GRID1: variants seen among roughly 807,000 people sequenced by gnomAD.
The protein encoded by GRID1 is glutamate receptor ionotropic, delta-1.
GRID1 carries 28 observed loss-of-function variants against 98.0 expected under a neutral mutation model. The observed-to-expected ratio is 0.29, with a 90% CI of 0.21 to 0.39. The LOEUF (loss-of-function observed/expected upper bound fraction) is 0.39, where lower values mean the gene tolerates loss of function less well. Ranked by LOEUF, GRID1 falls within the 10% of genes least tolerant of loss-of-function variation. The probability of loss-of-function intolerance (pLI) is 1.00; values close to 1 mark genes in which losing one functional copy is unlikely to be tolerated. For missense variants in GRID1, 1,111 were observed against 1,340.5 expected, an observed-to-expected ratio of 0.83 and a Z score of 2.67; for synonymous variants, 553 against 538.5, an observed-to-expected ratio of 1.03 and a Z score of -0.37.
intron 3 of GRID1, among the ~76,000 whole-genome samples, chr10:86,180,417 G>A (rs1845638644): frequency 6.6e-6 from 1 of 152,110 alleles, no homozygotes; most frequent in African/African-American, 2.4e-5. Context: ...GACCTCAGAG[G>A]TTGTCCTCAG....
intron 12 of GRID1, among the ~76,000 whole-genome samples, chr10:85,650,800 G>T (rs959087016): frequency 1.3e-5 from 2 of 152,182 alleles, no homozygotes; most frequent in African/African-American, 2.4e-5. Context: ...AAGGCATTTG[G>T]GTAATGAAAA....
chr10:86,302,647 G>T (rs193073463), intron 2 of GRID1, among the ~76,000 whole-genome samples: 1 of 152,176 alleles, frequency 6.6e-6, no homozygotes, highest in African/African-American at 2.4e-5. Flanking sequence ...CCAGCTTGCA[G>T]GCAATACAGG....
At chr10:85,929,241 T>G (rs1841816810) in intron 4 of GRID1, among the ~76,000 whole-genome samples, 1 of 152,204 alleles carries the variant, frequency 6.6e-6, no homozygotes, top group African/African-American at 2.4e-5. Context: ...GCACAGGACC[T>G]AGGCTTAGCA....
intron 13 of GRID1, among the ~76,000 whole-genome samples, chr10:85,634,039 T>C (rs2132537933): frequency 6.6e-6 from 1 of 151,882 alleles, no homozygotes; most frequent in South Asian, 2.1e-4. Context: ...GGCGTGGTGG[T>C]GCATGCCTAT....
chr10:86,186,458 G>T, intron 3 of GRID1, among the ~76,000 whole-genome samples: 1 of 151,816 alleles, frequency 6.6e-6, no homozygotes, highest in Non-Finnish European at 1.5e-5. Flanking sequence ...ACTTATATTG[G>T]ATTTGATTTG....
rs1163991183 is a variant in GRID1 at position 86,165,332 on chromosome 10, G to A, written c.521-26308C>T. On this transcript the variant is annotated intron_variant, in intron 3 of 15. Transcript: ENST00000327946. Reference sequence around the variant, plus strand: ...TCTGCAAGTTTCTATGTTGCTCGGCGCTCAAGGTTTCTGGAGGAAAATGCC... The same window carrying A: ...TCTGCAAGTTTCTATGTTGCTCGGCACTCAAGGTTTCTGGAGGAAAATGCC... Among the ~76,000 whole-genome samples, 5 of 152,208 alleles carry A rather than the reference G, an allele frequency of 3.3e-5. No homozygotes were observed. In the East Asian group the frequency reaches 5.8e-4, roughly 18 times the overall value.
chr10:86,033,079 A>C (rs1036676256), intron 4 of GRID1, among the ~76,000 whole-genome samples: 7 of 152,080 alleles, frequency 4.6e-5, no homozygotes, highest in African/African-American at 1.7e-4. Context: ...CAGCTAGAAG[A>C]CAGAGAAGCT....
At chr10:85,949,344 T>C (rs1464945092) in intron 4 of GRID1, among the ~76,000 whole-genome samples, 6 of 152,214 alleles carry the variant, frequency 3.9e-5, no homozygotes, top group Non-Finnish European at 8.8e-5. Flanking sequence ...TCTATGCATA[T>C]ATAAGAATAT....
rs552531003 is a variant in GRID1, at chr10:85,851,684, T to C, written c.1233+2812A>G. ...TGGTTTTGTTCATATATGACATATATAATCTTTGCAGGGAATGCTGCCCCT... is the reference window on the plus strand; with the variant it reads ...TGGTTTTGTTCATATATGACATATACAATCTTTGCAGGGAATGCTGCCCCT... On this transcript the variant is annotated intron_variant, in intron 8 of 15. Transcript: ENST00000327946. 5.1e-4 allele frequency among the ~76,000 whole-genome samples: 78 copies of C among 152,310 alleles called. 1 individual carries two copies. Among genetic ancestry groups the C allele is most frequent in the African/African-American group, 1.8e-3 (75 of 41,568 alleles).
At chr10:86,107,655 A>G (rs1362158292) in intron 4 of GRID1, among the ~76,000 whole-genome samples, 1 of 152,194 alleles carries the variant, frequency 6.6e-6, no homozygotes, top group African/African-American at 2.4e-5. Flanking sequence ...TCCTGTGCCC[A>G]TAAAAATGCT....
intron 2 of GRID1, among the ~76,000 whole-genome samples, chr10:86,344,195 A>C (rs940534850): frequency 6.6e-6 from 1 of 152,210 alleles, no homozygotes; most frequent in Admixed American, 6.5e-5. Context: ...GTCAACCCTC[A>C]AGAGACATGT....
At chr10:86,019,253 G>A (rs750616726) in intron 4 of GRID1, among the ~76,000 whole-genome samples, 18 of 152,220 alleles carry the variant, frequency 1.2e-4, no homozygotes, top group Non-Finnish European at 1.8e-4. Flanking sequence ...CATCCCCAGC[G>A]CTGACAATGC....
In GRID1 at chr10:85,623,964, A is replaced by C. The variant is rs115620012; in HGVS notation, c.2194-3931T>G. Among the ~76,000 whole-genome samples, 703 of 152,274 alleles carry C rather than the reference A, an allele frequency of 4.6e-3. 9 individuals carry two copies. The highest frequency in any genetic ancestry group is 0.016 in the African/African-American group (671 of 41,554). On this transcript the variant is annotated intron_variant, in intron 13 of 15. Transcript: ENST00000327946. ...AGGATGAACCCAGCCATCTCCTTGC[A>C]GGTGTCCCAGAGTCCCTTGACCAAG...
intron 4 of GRID1, among the ~76,000 whole-genome samples, chr10:86,080,677 A>G (rs1292559968): frequency 6.6e-6 from 1 of 152,080 alleles, no homozygotes; most frequent in East Asian, 1.9e-4. Flanking sequence ...GCAAACTCTG[A>G]CACAAGGAGT....
intron 3 of GRID1, among the ~76,000 whole-genome samples, chr10:86,182,085 T>G (rs1298769181): frequency 6.6e-6 from 1 of 152,190 alleles, no homozygotes; most frequent in East Asian, 1.9e-4. Flanking sequence ...CTGCATCAAT[T>G]CCACATCAGT....
intron 2 of GRID1, among the ~76,000 whole-genome samples, chr10:86,234,460 C>T (rs567523223): frequency 3.9e-5 from 6 of 152,326 alleles, no homozygotes; most frequent in Admixed American, 1.3e-4. Context: ...TCTCACTCAT[C>T]GGCTCCTTAG....
chr10:85,800,291 A>C (rs1483914448), intron 8 of GRID1, among the ~76,000 whole-genome samples: 2 of 152,064 alleles, frequency 1.3e-5, no homozygotes, highest in African/African-American at 2.4e-5. Flanking sequence ...GTTGCGTATC[A>C]GACAATATAA....
intron 8 of GRID1, among the ~76,000 whole-genome samples, chr10:85,793,409 T>C (rs1842498615): frequency 6.6e-6 from 1 of 152,212 alleles, no homozygotes; most frequent in Non-Finnish European, 1.5e-5. Flanking sequence ...TCCTCTTACA[T>C]GCATTGTCTG....
chr10:86,318,027 C>T (rs1847922354), intron 2 of GRID1, among the ~76,000 whole-genome samples: 1 of 152,188 alleles, frequency 6.6e-6, no homozygotes, highest in African/African-American at 2.4e-5. Flanking sequence ...TGGCACAAGC[C>T]ACTGCCCCTG....
Sources: allele counts gnomAD v4.1 joint callset (sites outside exome capture counted in the v4.1 genomes callset), GRCh38; gene constraint gnomAD v4.1.1; transcripts MANE v1.5; gene names NCBI Gene and HGNC (gene_info 2026-07-23, HGNC 2026-07-21).